Variants in CENPC observed in about 807,000 individuals in gnomAD.
CENPC encodes the protein CENP-C 1.
CENPC carries 63 observed loss-of-function variants against 112.1 expected under a neutral mutation model. The ratio of observed to expected loss-of-function variants is 0.56; its 90% CI spans 0.46 to 0.69. The LOEUF (loss-of-function observed/expected upper bound fraction) is 0.69, where lower values mean the gene tolerates loss of function less well. Ranked by LOEUF, CENPC falls within the 30% of genes least tolerant of loss-of-function variation. CENPC has a pLI of 0.00. For missense variants in CENPC, 1,000 were observed against 1,103.8 expected, an observed-to-expected ratio of 0.91 and a Z score of 1.33; for synonymous variants, 333 against 367.6, an observed-to-expected ratio of 0.91 and a Z score of 1.08.
chr4:67,474,404 T>G (rs1032554653), intron 18 of CENPC, among the ~76,000 whole-genome samples: 6 of 152,134 alleles, frequency 3.9e-5, no homozygotes, highest in African/African-American at 1.4e-4. Flanking sequence ...CTTGTTCTCA[T>G]GTATCAAAAC....
intron 16 of CENPC, 108 bp from the exon 17 acceptor site, chr4:67,490,229 T>A (rs1418155310): frequency 1.4e-6 from 1 of 727,248 alleles, no homozygotes; most frequent in African/African-American, 1.8e-5. Flanking sequence ...TAAATCTGCC[T>A]TAGAGAGTTG....
intron 4 of CENPC, among the ~76,000 whole-genome samples, chr4:67,535,024 A>G (rs1210829558): frequency 6.6e-6 from 1 of 152,216 alleles, no homozygotes; most frequent in African/African-American, 2.4e-5. Context: ...GAGGAAAAAA[A>G]TAGTCACAAA....
At chr4:67,478,459 T>C (rs1193238590) in intron 17 of CENPC, among the ~76,000 whole-genome samples, 1 of 152,130 alleles carries the variant, frequency 6.6e-6, no homozygotes, top group East Asian at 1.9e-4. Context: ...CTAAGCTTCA[T>C]AAATGAAAGA....
intron 11 of CENPC, among the ~76,000 whole-genome samples, chr4:67,505,901 AT>A (rs1168484665): frequency 1.3e-5 from 2 of 152,170 alleles, no homozygotes; most frequent in African/African-American, 4.8e-5. Context: ...TGAAAATCAA[AT>A]TATAAAAAAA....
Position 67,514,671 on chromosome 4 carries a change from C to A in CENPC, c.847G>T (p.Ala283Ser). The part of the protein sequence containing the change: ...KSESSPIVRH[A>S]ATAPPHSCPP... Reference sequence around the variant, plus strand: ...CACGAATGAGGTGGAGCAGTTGCCGCATGCCTAACAATGGGACTGAAACAG... The same window carrying A: ...CACGAATGAGGTGGAGCAGTTGCCGAATGCCTAACAATGGGACTGAAACAG... The change falls in exon 8 of 19, where the codon GCG (alanine) becomes TCG (serine). Residue 283 changes from alanine (A) to serine (S), a missense_variant. Physicochemically the swap from Ala to Ser is moderately conservative, Grantham distance 99. Coordinates refer to ENST00000273853, the MANE Select transcript of CENPC (RefSeq NM_001812.4). 1 of 1,607,078 alleles carries A rather than the reference C, an allele frequency of 6.2e-7. No homozygotes were observed. Among genetic ancestry groups the A allele is most frequent in the Non-Finnish European group, 8.5e-7 (1 of 1,176,918 alleles).
intron 12 of CENPC, among the ~76,000 whole-genome samples, chr4:67,498,692 T>C (rs1348042756): frequency 2.6e-5 from 4 of 152,350 alleles, no homozygotes; most frequent in African/African-American, 4.8e-5. Flanking sequence ...CTTCTAATTC[T>C]AGTTCCCTGG....
At position 67,514,422 on chromosome 4, in the gene CENPC, T is replaced by A; in HGVS notation, c.1096A>T (p.Lys366Ter). ...TGAGATGTCTCTACTGGGTGAGGTT[T>A]ATGGGAATGTTTGTCATTTGCCAAA... The part of the protein sequence containing the change: ...KTLANDKHSH[K>*]PHPVETSQPS... Residue 366 changes from lysine (K) to a stop codon, truncating the protein, a stop_gained, in exon 8 of 19, where the codon AAA becomes TAA. Coordinates refer to ENST00000273853, the MANE Select transcript of CENPC (RefSeq NM_001812.4). LOFTEE classifies it high-confidence loss of function. 2 of 1,613,640 alleles carry A rather than the reference T, an allele frequency of 1.2e-6. No individual in the cohort carries two copies. The highest frequency in any genetic ancestry group is 1.7e-6 in the Non-Finnish European group (2 of 1,179,852).
chr4:67,498,107 T>C (rs10025473), intron 12 of CENPC, among the ~76,000 whole-genome samples: 95,822 of 151,382 alleles, frequency 0.63, 30,570 homozygotes, highest in East Asian at 0.81. Context: ...TGGTGTACAC[T>C]TTGTAATCCC....
intron 8 of CENPC, 45 bp from the exon 9 acceptor site, chr4:67,512,614 G>A: frequency 7.5e-7 from 1 of 1,340,706 alleles, no homozygotes; most frequent in Non-Finnish European, 9.9e-7. Flanking sequence ...TCTACTAAAA[G>A]AGTTTTCAGA....
chr4:67,517,750 T>G (rs2109808694), intron 7 of CENPC, among the ~76,000 whole-genome samples: 1 of 151,916 alleles, frequency 6.6e-6, no homozygotes, highest in East Asian at 2.0e-4. Context: ...AGCAGGAGAA[T>G]CTCTTGAACC....
Position 67,544,206 on chromosome 4 carries a change from A to G in CENPC, c.19-11T>C. The G allele has an allele frequency of 6.6e-7, 1 of 1,515,532 alleles. No individual in the cohort carries two copies. Among genetic ancestry groups the G allele is most frequent in the Non-Finnish European group, 9.1e-7 (1 of 1,093,352 alleles). The allele number at this position is 1,515,532 out of a possible 1,614,324, so 93.9% of individuals were successfully genotyped here. On this transcript the variant is annotated splice_polypyrimidine_tract_variant and intron_variant, in intron 1 of 18. Transcript: ENST00000273853. ...ATTTTTGAGATGATCCTGAAAGAAA[A>G]GTAAATCATCAATTTGGTTTCTTTA... is the stretch of plus-strand genomic sequence containing the variant.
chr4:67,491,406 A>G (rs1254888096), intron 16 of CENPC, among the ~76,000 whole-genome samples: 1 of 142,158 alleles, frequency 7.0e-6, no homozygotes, highest in African/African-American at 2.6e-5. Flanking sequence ...TTAGTACTCA[A>G]TGGTACAGTC....
chr4:67,533,747 A>C (rs1430579459), intron 4 of CENPC, among the ~76,000 whole-genome samples: 1 of 152,202 alleles, frequency 6.6e-6, no homozygotes, highest in Non-Finnish European at 1.5e-5. Flanking sequence ...CCACTAAAAA[A>C]AAGGGGCAGG....
At position 67,494,717 on chromosome 4, in the gene CENPC, T is replaced by C. The variant is rs150325992; in HGVS notation, c.2185+442A>G. Among the ~76,000 whole-genome samples the C allele has an allele frequency of 4.2e-3, 642 of 152,316 alleles. 3 individuals carry two copies. Among genetic ancestry groups the C allele is most frequent in the African/African-American group, 0.015 (624 of 41,568 alleles). On this transcript the variant is annotated intron_variant, in intron 13 of 18. Coordinates refer to ENST00000273853, the MANE Select transcript of CENPC (RefSeq NM_001812.4). The stretch of plus-strand genomic sequence containing the variant: ...CAAATATCTCTTTGGGAACCATGGA[T>C]TGTTAATCTTTACATGGGCCTCTCC...
intron 12 of CENPC, among the ~76,000 whole-genome samples, chr4:67,503,441 A>C (rs1163800336): frequency 2.0e-5 from 3 of 152,062 alleles, no homozygotes. Context: ...CCTAAAAGCC[A>C]TGCTTTATTT....
chr4:67,531,555 G>A (rs574984161), intron 4 of CENPC, among the ~76,000 whole-genome samples: 29 of 152,308 alleles, frequency 1.9e-4, no homozygotes, highest in African/African-American at 7.0e-4. Flanking sequence ...GTGATCTGTG[G>A]TGAACATCTG....
intron 12 of CENPC, among the ~76,000 whole-genome samples, chr4:67,497,698 A>G (rs1048971284): frequency 1.3e-5 from 2 of 151,974 alleles, no homozygotes; most frequent in Admixed American, 6.6e-5. Flanking sequence ...ACGCTCAGCT[A>G]ATTTTTGTAT....
At chr4:67,491,431 T>A (rs355472) in intron 16 of CENPC, among the ~76,000 whole-genome samples, 75,953 of 121,784 alleles carry the variant, frequency 0.62, 24,155 homozygotes, top group East Asian at 0.81. Context: ...CAGTTGTTAA[T>A]ATATTTAAAT....
At chr4:67,490,924 C>G (rs1486367102) in intron 16 of CENPC, among the ~76,000 whole-genome samples, 3 of 139,724 alleles carry the variant, frequency 2.1e-5, no homozygotes, top group Non-Finnish European at 4.6e-5. Context: ...ATAGTAGATT[C>G]AAGAAACAAA....
Sources: gnomAD v4.1 joint callset for allele counts (sites outside exome capture counted in the v4.1 genomes callset) on GRCh38, gnomAD v4.1.1 for gene constraint, MANE v1.5 for transcripts, NCBI Gene and HGNC (gene_info 2026-07-23, HGNC 2026-07-21) for gene names.